The following TTC39A variants were observed in gnomAD, a reference collection of about 807,000 sequenced individuals.
TTC39A encodes the protein tetratricopeptide repeat protein 39A.
TTC39A carries 46 observed loss-of-function variants against 82.3 expected under a neutral mutation model. That is an observed-to-expected ratio of 0.56 (90% CI 0.44 to 0.71). The LOEUF is 0.71. Among genes scored for constraint, TTC39A ranks in the 30% least tolerant of loss-of-function variants. TTC39A has a pLI of 0.00. For synonymous variants in TTC39A, 254 were observed against 275.2 expected (o/e 0.92, Z 0.76); for missense variants, 543 against 712.9 (o/e 0.76, Z 2.71).
intron 2 of TTC39A, among the ~76,000 whole-genome samples, chr1:51,319,751 A>C (rs914649197): frequency 3.4e-5 from 5 of 148,534 alleles, no homozygotes; most frequent in African/African-American, 1.2e-4. Flanking sequence ...AGTGCAATGG[A>C]GCAATCTCTG....
At chr1:51,333,137 G>A (rs552056083), upstream of TTC39A, among the ~76,000 whole-genome samples, 1 of 150,964 alleles carries the variant, frequency 6.6e-6, no homozygotes, top group African/African-American at 2.4e-5. Flanking sequence ...GCTTGAACCC[G>A]GAAGGCGAAG....
chr1:51,311,029 A>G (rs1389076206), intron 5 of TTC39A, among the ~76,000 whole-genome samples: 2 of 152,216 alleles, frequency 1.3e-5, no homozygotes, highest in Non-Finnish European at 2.9e-5. Context: ...CATCCCGGTA[A>G]TGGTGGGAGC....
At chr1:51,340,127 C>T (rs776730129) in intron 1 of TTC39A, among the ~76,000 whole-genome samples, 3 of 152,142 alleles carry the variant, frequency 2.0e-5, no homozygotes, top group Admixed American at 6.5e-5. Flanking sequence ...CCCATCCTCC[C>T]GAACTGTGAG....
upstream of TTC39A, among the ~76,000 whole-genome samples, chr1:51,335,655 C>T (rs1208654433): frequency 6.6e-6 from 1 of 151,972 alleles, no homozygotes; most frequent in Non-Finnish European, 1.5e-5. Context: ...TACCTCCCAT[C>T]CTACAGATGA....
chr1:51,306,249 C>G (rs561397762), intron 6 of TTC39A, among the ~76,000 whole-genome samples, 173 bp from the exon 7 acceptor site: 1 of 152,270 alleles, frequency 6.6e-6, no homozygotes, highest in South Asian at 2.1e-4. Flanking sequence ...ACCATGATAA[C>G]ACACTCCTCA....
intron 2 of TTC39A, among the ~76,000 whole-genome samples, chr1:51,318,684 T>C (rs1645385308): frequency 6.6e-6 from 1 of 151,848 alleles, no homozygotes; most frequent in South Asian, 2.1e-4. Context: ...CTACGGAGAG[T>C]AGGTGGCAGA....
chr1:51,331,818 A>C (rs1443655978), upstream of TTC39A: 1 of 985,262 alleles, frequency 1.0e-6, no homozygotes, highest in Non-Finnish European at 1.2e-6. Flanking sequence ...AATCCAGACA[A>C]GGGGAGAGAC....
At chr1:51,334,439 G>T (rs1015629985), upstream of TTC39A, among the ~76,000 whole-genome samples, 9 of 152,056 alleles carry the variant, frequency 5.9e-5, no homozygotes, top group African/African-American at 1.9e-4. Context: ...GGAGGCGGAG[G>T]TTGCGGTGAA....
chr1:51,337,105 C>G (rs1408695892), intron 1 of TTC39A, among the ~76,000 whole-genome samples: 2 of 152,190 alleles, frequency 1.3e-5, no homozygotes, highest in African/African-American at 4.8e-5. Context: ...CACATCACAA[C>G]TCTGCTCAAA....
intron 12 of TTC39A, chr1:51,300,302 C>G (rs1193913614): frequency 6.6e-6 from 1 of 152,324 alleles, no homozygotes; most frequent in African/African-American, 2.4e-5. Flanking sequence ...CCTTCCCCAG[C>G]CCCACCTGCC....
At chr1:51,299,522 TC>T (rs1644571274) in intron 12 of TTC39A, 1 of 152,324 alleles carries the variant, frequency 6.6e-6, no homozygotes, top group Non-Finnish European at 1.5e-5. Context: ...GTGGCCAAGT[TC>T]TGGAGATTAG....
intron 4 of TTC39A, 148 bp from the exon 5 acceptor site, chr1:51,311,469 A>G (rs970952084): frequency 1.5e-6 from 1 of 681,022 alleles, no homozygotes; most frequent in South Asian, 2.0e-5. Context: ...AGTGCTTCAG[A>G]GCATTCGTCA....
At position 51,288,079 on chromosome 1, in the gene TTC39A, G is replaced by A. The variant is rs1177851479; in HGVS notation, c.*78C>T. 6.4e-7 allele frequency: 1 copy of A among 1,574,150 alleles called. No homozygotes were observed. The highest frequency in any genetic ancestry group is 8.6e-7 in the Non-Finnish European group (1 of 1,157,810). ...GACCCCAAAGGCAGGGCAGGGCAGG[G>A]GGAGGGGGTATTTTGAAATGTTTTC... On this transcript the variant is annotated 3_prime_UTR_variant, in exon 18 of 18. Coordinates refer to ENST00000680483, the MANE Select transcript of TTC39A (RefSeq NM_001297663.2). This position sits in a 1 kb window ranked among gnomAD's most constrained non-coding sequence, Gnocchi z 4.8.
At chr1:51,331,160 A>T, upstream of TTC39A, 1 of 1,535,228 alleles carries the variant, frequency 6.5e-7, no homozygotes, top group African/African-American at 1.4e-5. Flanking sequence ...TCACCTAATA[A>T]GTGGCAAGCT....
rs59704024 is a variant in TTC39A at position 51,328,429 on chromosome 1, G to A, written c.41+2008C>T. 6.2e-3 allele frequency among the ~76,000 whole-genome samples: 951 copies of A among 152,322 alleles called. 9 individuals carry two copies. The highest frequency in any genetic ancestry group is 0.021 in the African/African-American group (893 of 41,564). On this transcript the variant is annotated intron_variant, in intron 1 of 17. Coordinates refer to ENST00000680483, the MANE Select transcript of TTC39A (RefSeq NM_001297663.2). ...GTGGGACAAGAGCTACAGGATCAAG[G>A]CTAAATCTGAGACCTGAAGTTGAGT...
chr1:51,331,164 G>A, upstream of TTC39A: 1 of 1,537,534 alleles, frequency 6.5e-7, no homozygotes, highest in Non-Finnish European at 8.8e-7. Context: ...CTAATAAGTG[G>A]CAAGCTAGGA....
rs769273912 is a variant in TTC39A, at chr1:51,321,847, A to G, written c.42-22T>C. The G allele has an allele frequency of 3.1e-6, 5 of 1,600,598 alleles. No individual in the cohort carries two copies. The highest frequency in any genetic ancestry group is 4.3e-6 in the Non-Finnish European group (5 of 1,171,210). On this transcript the variant is annotated intron_variant, in intron 1 of 17. Coordinates refer to ENST00000680483, the MANE Select transcript of TTC39A (RefSeq NM_001297663.2). This position sits in a 1 kb window ranked among gnomAD's most constrained non-coding sequence, Gnocchi z 4.6. ...AGTCCTGGGGGAAGAGATGCGGGGC[A>G]TGACACAGGGGCCCTCCAACCCTCC...
intron 16 of TTC39A, among the ~76,000 whole-genome samples, chr1:51,289,655 C>T (rs1034858690): frequency 6.6e-6 from 1 of 152,232 alleles, no homozygotes; most frequent in African/African-American, 2.4e-5. Flanking sequence ...TTTAGCATGG[C>T]CCTGACGAGC....
intron 1 of TTC39A, among the ~76,000 whole-genome samples, chr1:51,322,961 C>T (rs1645583300): frequency 6.6e-6 from 1 of 152,222 alleles, no homozygotes. Flanking sequence ...AAACTGAACT[C>T]GTGTTCATTC....
Sources: allele counts gnomAD v4.1 joint callset (sites outside exome capture counted in the v4.1 genomes callset), GRCh38; gene constraint gnomAD v4.1.1; non-coding constraint Gnocchi (gnomAD v3.1); transcripts MANE v1.5; gene names NCBI Gene and HGNC (gene_info 2026-07-23, HGNC 2026-07-21).